FADS2: variants seen among roughly 807,000 people sequenced by gnomAD.
FADS2 encodes the protein acyl-CoA 6-desaturase.
FADS2 carries 18 observed loss-of-function variants against 61.2 expected under a neutral mutation model. The observed-to-expected ratio is 0.29, with a 90% confidence interval of 0.20 to 0.44. The LOEUF (loss-of-function observed/expected upper bound fraction) is 0.44. Among genes scored for constraint, FADS2 ranks in the 20% least tolerant of loss-of-function variants. The probability of loss-of-function intolerance (pLI) is 1.00; values close to 1 mark genes in which losing one functional copy is unlikely to be tolerated. For missense variants in FADS2, 322 were observed against 572.7 expected (o/e 0.56, Z 4.47); for synonymous variants, 203 against 223.9 (o/e 0.91, Z 0.83).
chr11:61,830,136 C>T (rs1007112790), intron 1 of FADS2, among the ~76,000 whole-genome samples: 1 of 152,160 alleles, frequency 6.6e-6, no homozygotes, highest in Non-Finnish European at 1.5e-5. Context: ...TAATGTAACT[C>T]CTAAGTAAAG....
Position 61,816,438 on chromosome 11 carries a change from C to T in FADS2, c.141+12C>T, listed in dbSNP as rs1408263750. ...TCACCGGGCAACAGGTATGATCAGG[C>T]GCCTCCGGGCTTTCCTCCGAATTAG... On this transcript the variant is annotated intron_variant, in intron 1 of 11. Transcript: ENST00000257261. This position sits in a 1 kb window ranked among gnomAD's most constrained non-coding sequence, Gnocchi z 7.0. The T allele has an allele frequency of 1.3e-6, 2 of 1,599,088 alleles. No individual in the cohort carries two copies. The highest frequency in any genetic ancestry group is 2.2e-5 in the East Asian group (1 of 44,888).
At chr11:61,821,107 C>T (rs1591160087) in intron 1 of FADS2, among the ~76,000 whole-genome samples, 1 of 152,300 alleles carries the variant, frequency 6.6e-6, no homozygotes, top group East Asian at 1.9e-4. Flanking sequence ...CCTGTTGATC[C>T]TAAGGGAACT....
In FADS2 at chr11:61,816,978, C is replaced by A; in HGVS notation, c.141+552C>A. 1.5e-6 allele frequency: 2 copies of A among 1,353,436 alleles called. No homozygotes were observed. Among genetic ancestry groups the A allele is most frequent in the South Asian group, 1.8e-5 (1 of 55,360 alleles). 83.8% of individuals were successfully genotyped at this position (1,353,436 alleles called of 1,614,324 possible). A position where few individuals can be genotyped will look rare whatever the true frequency, so the allele number is the denominator to read the frequency against. The stretch of plus-strand genomic sequence containing the variant: ...AGCGAGATCCCGTCCCCCGGTGGGT[C>A]TTGGGCAACTCACAGCTGGGCTGCC... On this transcript the variant is annotated intron_variant, in intron 1 of 11. Coordinates refer to the FADS2 transcript ENST00000257261. This position sits in a 1 kb window ranked among gnomAD's most constrained non-coding sequence, Gnocchi z 7.0.
chr11:61,816,946 C>G lies in FADS2; in HGVS notation c.141+520C>G, dbSNP rs2066991583. 2 of 1,375,462 alleles carry G rather than the reference C, an allele frequency of 1.5e-6. No individual in the cohort carries two copies. Among genetic ancestry groups the G allele is most frequent in the South Asian group, 3.3e-5 (2 of 60,200 alleles). The allele number at this position is 1,375,462 out of a possible 1,614,324, so 85.2% of individuals were successfully genotyped here. On this transcript the variant is annotated intron_variant, in intron 1 of 11. Coordinates refer to the FADS2 transcript ENST00000257261. This position sits in a 1 kb window ranked among gnomAD's most constrained non-coding sequence, Gnocchi z 7.0. Reference sequence around the variant, plus strand: ...CGTTCCCATTGGCCGAGCCTCGTGGCGCGGGGAGCGAGATCCCGTCCCCCG... The same window carrying G: ...CGTTCCCATTGGCCGAGCCTCGTGGGGCGGGGAGCGAGATCCCGTCCCCCG...
chr11:61,836,413 ACAGGGT>A (rs1428016174), intron 1 of FADS2, among the ~76,000 whole-genome samples: 4 of 127,448 alleles, frequency 3.1e-5, no homozygotes, highest in African/African-American at 9.2e-5. Context: ...GTTTTTTGAG[ACAGGGT>A]CTCACTCTCT....
At chr11:61,852,984 T>C (rs1000219260) in intron 5 of FADS2, among the ~76,000 whole-genome samples, 7 of 151,966 alleles carry the variant, frequency 4.6e-5, no homozygotes, top group Admixed American at 2.0e-4. Context: ...GAAACCACCG[T>C]CTCTACTAAA....
intron 7 of FADS2, among the ~76,000 whole-genome samples, chr11:61,857,854 T>G (rs2067376477): frequency 6.6e-6 from 1 of 151,960 alleles, no homozygotes; most frequent in South Asian, 2.1e-4. Flanking sequence ...GGGCCCTGAG[T>G]CCCATGAACT....
At chr11:61,858,405 C>G (rs1400987092) in intron 7 of FADS2, among the ~76,000 whole-genome samples, 2 of 149,494 alleles carry the variant, frequency 1.3e-5, no homozygotes, top group Admixed American at 1.3e-4. Flanking sequence ...TCTCGAACTC[C>G]TGGCCTCAAG....
chr11:61,857,042 A>G lies in FADS2; in HGVS notation c.776A>G (p.Tyr259Cys). The G allele has an allele frequency of 6.2e-7, 1 of 1,614,016 alleles. No individual in the cohort carries two copies. The highest frequency in any genetic ancestry group is 8.5e-7 in the Non-Finnish European group (1 of 1,179,974). Residue 259 changes from tyrosine (Y) to cysteine (C), a missense_variant, in exon 6 of 12, where the codon TAC becomes TGC. By Grantham distance (194) the Tyr-to-Cys change is radical. Coordinates refer to ENST00000278840, the MANE Select transcript of FADS2 (RefSeq NM_004265.4). ...AAGAAGAAGCTGAAATACCTGCCCTACAATCACCAGCACGAATACTTCTTC... is the reference window on the plus strand; with the variant it reads ...AAGAAGAAGCTGAAATACCTGCCCTGCAATCACCAGCACGAATACTTCTTC... ...YGKKKLKYLPYNHQHEYFFLI... is the reference protein window; with the variant it reads ...YGKKKLKYLPCNHQHEYFFLI...
At chr11:61,845,660 G>A (rs1396823424) in intron 4 of FADS2, among the ~76,000 whole-genome samples, 1 of 152,074 alleles carries the variant, frequency 6.6e-6, no homozygotes, top group Non-Finnish European at 1.5e-5. Flanking sequence ...GGGCATGGTG[G>A]CGGGCGCCTA....
intron 2 of FADS2, among the ~76,000 whole-genome samples, chr11:61,839,866 T>C (rs1406437902): frequency 2.0e-5 from 3 of 152,228 alleles, no homozygotes; most frequent in African/African-American, 7.2e-5. Flanking sequence ...TATTTGTCCT[T>C]TGGTGACTGG....
chr11:61,821,580 C>A, intron 1 of FADS2: 1 of 594,412 alleles, frequency 1.7e-6, no homozygotes, highest in South Asian at 2.1e-5. Context: ...ACCGGTTGTG[C>A]TCAGCCTCTG....
intron 10 of FADS2, chr11:61,863,989 G>C (rs186690055): frequency 3.6e-6 from 2 of 555,174 alleles, no homozygotes; most frequent in Non-Finnish European, 6.5e-6. Flanking sequence ...GGGTCATCCT[G>C]TGCCCCTCAT....
chr11:61,862,737 G>A (rs887154187), intron 7 of FADS2: 7 of 540,118 alleles, frequency 1.3e-5, no homozygotes, highest in East Asian at 3.2e-5. Context: ...TTTCTCTCCC[G>A]AAAAACAGGG....
chr11:61,827,392 A>C, upstream of FADS2: 1 of 151,096 alleles, frequency 6.6e-6, no homozygotes, highest in Non-Finnish European at 1.5e-5. The surrounding 1 kb of genome is among the most constrained non-coding windows in gnomAD (Gnocchi z 4.5). Flanking sequence ...CTTCCCCCTC[A>C]CCGCAGCCAT....
intron 1 of FADS2, among the ~76,000 whole-genome samples, chr11:61,833,258 G>A (rs529468037): frequency 6.6e-5 from 10 of 152,232 alleles, no homozygotes; most frequent in African/African-American, 1.4e-4. Flanking sequence ...CTTCTCTCCC[G>A]TTACACTAGG....
At chr11:61,852,690 T>C (rs1019931572) in intron 5 of FADS2, among the ~76,000 whole-genome samples, 1 of 152,216 alleles carries the variant, frequency 6.6e-6, no homozygotes, top group Non-Finnish European at 1.5e-5. Flanking sequence ...GGGGTAGTTA[T>C]CTTAATTTTC....
At chr11:61,850,492 G>A (rs1247076802) in intron 5 of FADS2, among the ~76,000 whole-genome samples, 3 of 151,870 alleles carry the variant, frequency 2.0e-5, no homozygotes, top group Admixed American at 6.6e-5. Flanking sequence ...TTCGTGATCC[G>A]CCCACCTCGC....
chr11:61,863,374 G>T lies in FADS2; in HGVS notation c.1073G>T (p.Ser358Ile). 6.2e-7 allele frequency: 1 copy of T among 1,611,034 alleles called. No individual in the cohort carries two copies. The highest frequency in any genetic ancestry group is 8.5e-7 in the Non-Finnish European group (1 of 1,177,222). Residue 358 changes from serine (S) to isoleucine (I), a missense_variant, in exon 9 of 12, where the codon AGC becomes ATC. Ser to Ile is a moderately radical substitution (Grantham distance 142). This residue lies in a region of FADS2 where 221 missense variants were observed against 427.9 expected (regional missense o/e 0.52). Coordinates refer to ENST00000278840, the MANE Select transcript of FADS2 (RefSeq NM_004265.4). ...GAGGCCTACCGTGACTGGTTCAGTA[G>T]CCAGGTAGGGAAGTCAGGGCCGGTC... ...DQEAYRDWFS[S>I]QLTATCNVEQ...
Sources: allele counts gnomAD v4.1 joint callset (sites outside exome capture counted in the v4.1 genomes callset), GRCh38; gene constraint gnomAD v4.1.1; regional missense constraint gnomAD v4.1.1; non-coding constraint Gnocchi (gnomAD v3.1); transcripts MANE v1.5; gene names NCBI Gene and HGNC (gene_info 2026-07-23, HGNC 2026-07-21).